The following COPB1 variants were observed in gnomAD, a reference collection of about 807,000 sequenced individuals.
COPB1 encodes coatomer subunit beta.
In COPB1, 21 loss-of-function variants were observed where a neutral mutation model predicts 108.7. The ratio of observed to expected loss-of-function variants is 0.19; its 90% CI spans 0.14 to 0.28. The LOEUF (loss-of-function observed/expected upper bound fraction) is 0.28. Among genes scored for constraint, COPB1 ranks in the 10% least tolerant of loss-of-function variants. COPB1 has a pLI of 1.00. For missense variants in COPB1, 919 were observed against 1,141.3 expected (o/e 0.81, Z 2.81); for synonymous variants, 378 against 386.8 (o/e 0.98, Z 0.27).
intron 1 of COPB1, among the ~76,000 whole-genome samples, chr11:14,499,278 T>G (rs1399252135): frequency 6.6e-6 from 1 of 152,042 alleles, no homozygotes; most frequent in African/African-American, 2.4e-5. Context: ...ACCGTATGGT[T>G]TTTACACAAC....
intron 2 of COPB1, among the ~76,000 whole-genome samples, chr11:14,496,632 G>C (rs1851026008): frequency 6.6e-6 from 1 of 150,496 alleles, no homozygotes; most frequent in Middle Eastern, 3.4e-3. Context: ...ACCACCCAAA[G>C]CAATCTAGAG....
intron 2 of COPB1, among the ~76,000 whole-genome samples, chr11:14,496,568 G>C (rs1458403719): frequency 6.6e-6 from 1 of 151,550 alleles, no homozygotes; most frequent in South Asian, 2.1e-4. Flanking sequence ...TCAACAAATG[G>C]AAAGATATTC....
chr11:14,476,732 G>T (rs1411248191), intron 12 of COPB1, among the ~76,000 whole-genome samples, 187 bp downstream of exon 12: 3 of 150,584 alleles, frequency 2.0e-5, no homozygotes, highest in Non-Finnish European at 3.0e-5. Context: ...CAGAATACAG[G>T]CTAAAGCAGA....
At chr11:14,479,520 C>A in intron 11 of COPB1, 49 bp downstream of exon 11, 1 of 1,537,598 alleles carries the variant, frequency 6.5e-7, no homozygotes, top group Non-Finnish European at 8.8e-7. Context: ...AAGATAAAAA[C>A]TGATAAAATG....
chr11:14,496,123 T>A (rs1374092326), intron 2 of COPB1, among the ~76,000 whole-genome samples: 1 of 152,204 alleles, frequency 6.6e-6, no homozygotes, highest in African/African-American at 2.4e-5. Context: ...CTGCAAACTA[T>A]CTTCTAAAAG....
At position 14,481,180 on chromosome 11, in the gene COPB1, T is replaced by G. The variant is rs1589962478; in HGVS notation, c.958-83A>C. ...ATCTTCACTGCAGAATGGTGGGGTTTATCTATCATCACTTTAATTCTTTAA... is the reference window on the plus strand; with the variant it reads ...ATCTTCACTGCAGAATGGTGGGGTTGATCTATCATCACTTTAATTCTTTAA... On this transcript the variant is annotated intron_variant, in intron 8 of 21. Coordinates refer to ENST00000439561, the MANE Select transcript of COPB1 (RefSeq NM_001144061.2). The G allele has an allele frequency of 6.1e-6, 6 of 978,464 alleles. No individual in the cohort carries two copies. In the East Asian group the frequency reaches 1.4e-4, roughly 24 times the overall value. 60.6% of individuals were successfully genotyped at this position (978,464 alleles called of 1,614,324 possible). A position where few individuals can be genotyped will look rare whatever the true frequency, so the allele number is the denominator to read the frequency against.
At chr11:14,480,290 T>C (rs979856879) in intron 10 of COPB1, among the ~76,000 whole-genome samples, 5 of 152,184 alleles carry the variant, frequency 3.3e-5, no homozygotes, top group African/African-American at 1.2e-4. Flanking sequence ...TCCTCCTAAA[T>C]TGTAACTAAA....
intron 14 of COPB1, among the ~76,000 whole-genome samples, chr11:14,470,944 A>C (rs369365581): frequency 1.1e-5 from 1 of 90,156 alleles, no homozygotes. Flanking sequence ...ACACACACAC[A>C]CTCTCTCTCT....
In COPB1 at chr11:14,469,502, A is replaced by T; in HGVS notation, c.1799T>A (p.Leu600His). The T allele has an allele frequency of 6.2e-7, 1 of 1,614,230 alleles. No individual in the cohort carries two copies. Among genetic ancestry groups the T allele is most frequent in the Non-Finnish European group, 8.5e-7 (1 of 1,180,040 alleles). ...ATCATCAGTAATTGGCTTCTTAGGA[A>T]GAGAGGATTTTCCCAAATGCAGGAT... ...ATILHLGKSS[L>H]PKKPITDDDV... Residue 600 changes from leucine to histidine, a missense_variant, in exon 15 of 22, where the codon CTT (leucine) becomes CAT (histidine). Around this residue, in one of 5 missense-constraint regions of COPB1, gnomAD observed 705 missense variants for 817.8 expected, o/e 0.86. Coordinates refer to ENST00000439561, the MANE Select transcript of COPB1 (RefSeq NM_001144061.2).
At position 14,490,685 on chromosome 11, in the gene COPB1, A is replaced by G. The variant is rs1223914465; in HGVS notation, c.492-6T>C. On this transcript the variant is annotated splice_polypyrimidine_tract_variant and splice_region_variant and intron_variant, in intron 4 of 21. Coordinates refer to ENST00000439561, the MANE Select transcript of COPB1 (RefSeq NM_001144061.2). Reference sequence around the variant, plus strand: ...GTATAAGATGTTCAAAATTTCTTTAAATAAAACAGGTAACATCCATATTTA... The same window carrying G: ...GTATAAGATGTTCAAAATTTCTTTAGATAAAACAGGTAACATCCATATTTA... 4 of 1,506,828 alleles carry G rather than the reference A, an allele frequency of 2.7e-6. No individual in the cohort carries two copies. The African/African-American group carries it at 5.5e-5, about 21-fold the overall frequency. 93.3% of individuals were successfully genotyped at this position (1,506,828 alleles called of 1,614,324 possible).
At chr11:14,460,159 C>G (rs1245578448) in intron 20 of COPB1, 49 bp downstream of exon 20, 1 of 1,191,092 alleles carries the variant, frequency 8.4e-7, no homozygotes, top group African/African-American at 1.5e-5. Flanking sequence ...AGGCCAGGAA[C>G]CTACTCTACC....
intron 13 of COPB1, 101 bp downstream of exon 13, chr11:14,475,684 T>G: frequency 1.6e-6 from 2 of 1,225,104 alleles, no homozygotes; most frequent in Non-Finnish European, 2.2e-6. Flanking sequence ...GATTTTCATT[T>G]TGGTTGCAAA....
chr11:14,471,848 G>C (rs899368817), intron 14 of COPB1, among the ~76,000 whole-genome samples: 21 of 152,188 alleles, frequency 1.4e-4, no homozygotes, highest in African/African-American at 4.6e-4. Context: ...CTTAAACCCA[G>C]GAGGCGGAGG....
chr11:14,479,620 A>C lies in COPB1; in HGVS notation c.1307T>G (p.Met436Arg), dbSNP rs140633619. The change falls in exon 11 of 22, where the codon ATG becomes AGG. Residue 436 changes from methionine to arginine, a missense_variant. Physicochemically the swap from Met to Arg is moderately conservative, Grantham distance 91. Around this residue, in one of 5 missense-constraint regions of COPB1, gnomAD observed 705 missense variants for 817.8 expected, o/e 0.86. Coordinates refer to ENST00000439561, the MANE Select transcript of COPB1 (RefSeq NM_001144061.2). ...EAIQRFDNLR[M>R]LIVEKMLEVF... ...TTCAAGCATCTTCTCAACAATAAGC[A>C]TTCTCAGGTTATCAAAGCGCTGAAT... The C allele has an allele frequency of 3.5e-4, 567 of 1,613,534 alleles. No homozygotes were observed. The highest frequency in any genetic ancestry group is 4.5e-4 in the Non-Finnish European group (535 of 1,179,782).
At chr11:14,488,935 T>C (rs929890782) in intron 5 of COPB1, among the ~76,000 whole-genome samples, 3 of 152,170 alleles carry the variant, frequency 2.0e-5, no homozygotes, top group African/African-American at 7.2e-5. Context: ...AAAAATCTCC[T>C]ATGTGTCCTC....
chr11:14,486,734 T>A (rs966388862), intron 6 of COPB1, among the ~76,000 whole-genome samples: 1 of 152,054 alleles, frequency 6.6e-6, no homozygotes, highest in East Asian at 1.9e-4. Flanking sequence ...AGATAAGAAA[T>A]GGCTTTACTA....
At chr11:14,466,187 A>G (rs1411954329) in intron 17 of COPB1, 95 bp downstream of exon 17, 2 of 1,208,342 alleles carry the variant, frequency 1.7e-6, no homozygotes, top group African/African-American at 1.5e-5. Context: ...AAAAGGTTCA[A>G]GAGAATTTTT....
chr11:14,468,836 T>C lies in COPB1; in HGVS notation c.1990A>G (p.Thr664Ala). 18 of 1,613,818 alleles carry C rather than the reference T, an allele frequency of 1.1e-5. No homozygotes were observed. Among genetic ancestry groups the C allele is most frequent in the Non-Finnish European group, 1.5e-5 (18 of 1,179,806 alleles). Residue 664 changes from threonine to alanine, a missense_variant, in exon 16 of 22, where the codon ACA (threonine) becomes GCA (alanine). By Grantham distance (58) the Thr-to-Ala change is moderately conservative. Transcript: ENST00000439561. ...GAAATGGGGTCATCAGGCTGTACTG[T>C]CACATTCCTCTTTTCAGATTCTTTC... ...QKKESEKRNV[T>A]VQPDDPISFM...
At chr11:14,491,081 C>T (rs1212678181) in intron 4 of COPB1, among the ~76,000 whole-genome samples, 1 of 151,906 alleles carries the variant, frequency 6.6e-6, no homozygotes, top group South Asian at 2.1e-4. Flanking sequence ...AGCCACCGTG[C>T]CCAGACAAGG....
Sources: allele counts gnomAD v4.1 joint callset (sites outside exome capture counted in the v4.1 genomes callset), GRCh38; gene constraint gnomAD v4.1.1; regional missense constraint gnomAD v4.1.1; transcripts MANE v1.5; gene names NCBI Gene and HGNC (gene_info 2026-07-23, HGNC 2026-07-21).